SPRED1: variants seen among roughly 807,000 people sequenced by gnomAD.
The protein encoded by SPRED1 is sprouty related EVH1 domain containing 1, also known as sprouty-related, EVH1 domain-containing protein 1.
In SPRED1, 18 loss-of-function variants were observed where a neutral mutation model predicts 52.3. The observed-to-expected ratio is 0.34, with a 90% CI of 0.24 to 0.51. The LOEUF is 0.51. SPRED1 is among the 20% of genes least tolerant of loss of function. The probability of loss-of-function intolerance (pLI) is 0.97; values close to 1 mark genes in which losing one functional copy is unlikely to be tolerated. For synonymous variants in SPRED1, 155 were observed against 179.7 expected, an observed-to-expected ratio of 0.86 and a Z score of 1.10; for missense variants, 485 against 551.0, an observed-to-expected ratio of 0.88 and a Z score of 1.20.
intron 2 of SPRED1, among the ~76,000 whole-genome samples, chr15:38,312,618 A>T (rs1382903655): frequency 6.6e-6 from 1 of 151,968 alleles, no homozygotes; most frequent in Non-Finnish European, 1.5e-5. Context: ...ATCTCACCTC[A>T]CATTCCCCTC....
chr15:38,253,259 T>C, intron 1 of SPRED1, 42 bp downstream of exon 1: 3 of 1,552,010 alleles, frequency 1.9e-6, no homozygotes, highest in Non-Finnish European at 2.6e-6. Context: ...CCCCTCCCCC[T>C]ATCCGCCCTC....
intron 4 of SPRED1, among the ~76,000 whole-genome samples, chr15:38,326,521 A>C (rs558713130): frequency 1.1e-3 from 175 of 152,312 alleles, no homozygotes; most frequent in South Asian, 2.1e-3. Context: ...CTTTGTTAAG[A>C]CCTCAGGAGG....
At chr15:38,327,661 G>A (rs2140998714) in intron 4 of SPRED1, among the ~76,000 whole-genome samples, 1 of 152,290 alleles carries the variant, frequency 6.6e-6, no homozygotes, top group Middle Eastern at 3.4e-3. Context: ...AAGTCCTCCA[G>A]CCACAAACAA....
At chr15:38,290,966 C>T (rs1020752620) in intron 1 of SPRED1, among the ~76,000 whole-genome samples, 3 of 152,124 alleles carry the variant, frequency 2.0e-5, no homozygotes, top group African/African-American at 4.8e-5. Context: ...AGTCTTAACG[C>T]GTTTTACCAT....
intron 5 of SPRED1, among the ~76,000 whole-genome samples, chr15:38,342,056 CTT>C (rs1443541997): frequency 9.1e-6 from 1 of 110,482 alleles, no homozygotes; most frequent in Non-Finnish European, 1.9e-5. Context: ...CCCAGGGTGT[CTT>C]TGTCTTTTAA....
chr15:38,298,774 G>A (rs1393975390), intron 1 of SPRED1, among the ~76,000 whole-genome samples: 1 of 152,134 alleles, frequency 6.6e-6, no homozygotes, highest in Non-Finnish European at 1.5e-5. Flanking sequence ...ATTTCTTACA[G>A]TTTCTACAGA....
chr15:38,272,276 G>GTTTTTTTTTTTTTTTTTTT (rs1555387949), intron 1 of SPRED1, among the ~76,000 whole-genome samples: 1 of 131,426 alleles, frequency 7.6e-6, no homozygotes, highest in African/African-American at 2.8e-5. Flanking sequence ...CGAATGCTAG[G>GTTTTTTTTTTTTTTTTTTT]TTTTTTTTTT....
chr15:38,268,569 A>ATG (rs1363383711), intron 1 of SPRED1, among the ~76,000 whole-genome samples: 11 of 152,196 alleles, frequency 7.2e-5, no homozygotes. Flanking sequence ...TGTTGAGACC[A>ATG]TGTAGGGGGT....
At chr15:38,336,604 A>G (rs1412388784) in intron 4 of SPRED1, among the ~76,000 whole-genome samples, 2 of 151,796 alleles carry the variant, frequency 1.3e-5, no homozygotes, top group East Asian at 1.9e-4. Context: ...ACTCAACCAT[A>G]AAAAGGAAAG....
At chr15:38,288,184 A>G (rs1021711824) in intron 1 of SPRED1, among the ~76,000 whole-genome samples, 4 of 152,172 alleles carry the variant, frequency 2.6e-5, no homozygotes, top group African/African-American at 9.7e-5. Flanking sequence ...GTCAGGGATA[A>G]ATGAATATTG....
intron 1 of SPRED1, among the ~76,000 whole-genome samples, chr15:38,260,849 A>G (rs1459964794): frequency 6.6e-6 from 1 of 152,196 alleles, no homozygotes; most frequent in Non-Finnish European, 1.5e-5. Flanking sequence ...GCCTGAACCC[A>G]AAGATAGAGA....
At chr15:38,335,196 C>G (rs1280875774) in intron 4 of SPRED1, among the ~76,000 whole-genome samples, 2 of 151,994 alleles carry the variant, frequency 1.3e-5, no homozygotes, top group African/African-American at 4.8e-5. Context: ...ATGTACCTTG[C>G]AAAAGAGTTC....
At chr15:38,313,849 C>T (rs1320264554) in intron 2 of SPRED1, among the ~76,000 whole-genome samples, 2 of 151,672 alleles carry the variant, frequency 1.3e-5, no homozygotes, top group Non-Finnish European at 3.0e-5. Context: ...TTTTAAACTA[C>T]AAATTTCCTT....
At chr15:38,268,946 T>C (rs1007179582) in intron 1 of SPRED1, among the ~76,000 whole-genome samples, 48 of 150,376 alleles carry the variant, frequency 3.2e-4, no homozygotes, top group African/African-American at 1.1e-3. Context: ...TTTTCTTTTT[T>C]TTTTTTTTTT....
chr15:38,317,805 T>TTC (rs889730870), intron 2 of SPRED1, among the ~76,000 whole-genome samples: 1 of 151,360 alleles, frequency 6.6e-6, no homozygotes, highest in Non-Finnish European at 1.5e-5. Flanking sequence ...TGCTTTCTTT[T>TTC]TTTTTTTTTA....
intron 1 of SPRED1, among the ~76,000 whole-genome samples, chr15:38,255,707 C>G (rs1437950484): frequency 1.3e-5 from 2 of 152,112 alleles, no homozygotes; most frequent in Non-Finnish European, 1.5e-5. Context: ...AAGAAAGATA[C>G]GTATCATGGC....
intron 1 of SPRED1, among the ~76,000 whole-genome samples, chr15:38,265,791 C>T (rs1894297114): frequency 6.6e-6 from 1 of 151,942 alleles, no homozygotes; most frequent in African/African-American, 2.4e-5. Flanking sequence ...CAGGAACTTT[C>T]AAATATTGTT....
intron 3 of SPRED1, among the ~76,000 whole-genome samples, chr15:38,324,158 C>T (rs1895662350): frequency 6.6e-6 from 1 of 152,178 alleles, no homozygotes; most frequent in African/African-American, 2.4e-5. Context: ...AGCTGTGCCT[C>T]TCAAGGGTAG....
intron 1 of SPRED1, among the ~76,000 whole-genome samples, chr15:38,285,610 A>C (rs981221753): frequency 3.3e-5 from 5 of 152,264 alleles, no homozygotes; most frequent in Admixed American, 2.6e-4. Context: ...GAATGGCTGG[A>C]GATGAAGTCA....
Sources: gnomAD v4.1 joint callset for allele counts (sites outside exome capture counted in the v4.1 genomes callset) on GRCh38, gnomAD v4.1.1 for gene constraint, MANE v1.5 for transcripts, NCBI Gene and HGNC (gene_info 2026-07-23, HGNC 2026-07-21) for gene names.